ZNF177: variants seen among roughly 807,000 people sequenced by gnomAD.
The protein encoded by ZNF177 is zinc finger protein 177.
Under a neutral mutation model 19.4 loss-of-function variants are expected in ZNF177, and 17 were observed. The ratio of observed to expected loss-of-function variants is 0.87; its 90% CI spans 0.60 to 1.31. The LOEUF (loss-of-function observed/expected upper bound fraction) is 1.31. Ranked by LOEUF, ZNF177 falls within the 40% of genes most tolerant of loss-of-function variation. The pLI is 0.00. For synonymous variants in ZNF177, 220 were observed against 188.7 expected (o/e 1.17, Z -1.36); for missense variants, 633 against 561.8 (o/e 1.13, Z -1.28).
intron 2 of ZNF177, among the ~76,000 whole-genome samples, chr19:9,370,796 A>G (rs2068038342): frequency 6.6e-6 from 1 of 152,192 alleles, no homozygotes; most frequent in South Asian, 2.1e-4. Context: ...AGACACAAGC[A>G]TTCATCTTTT....
chr19:9,368,889 C>T (rs1364026999), intron 2 of ZNF177, among the ~76,000 whole-genome samples: 1 of 152,040 alleles, frequency 6.6e-6, no homozygotes, highest in Non-Finnish European at 1.5e-5. Context: ...AATGTAATCT[C>T]GTTATTAACT....
upstream of ZNF177, chr19:9,371,734 A>G (rs1456446176): frequency 6.6e-6 from 1 of 152,088 alleles, no homozygotes; most frequent in East Asian, 1.9e-4. Flanking sequence ...GGGGCTTATG[A>G]TACTTCTAGT....
intron 1 of ZNF177, among the ~76,000 whole-genome samples, chr19:9,377,922 C>T (rs929978189): frequency 6.6e-6 from 1 of 152,132 alleles, no homozygotes; most frequent in Non-Finnish European, 1.5e-5. Flanking sequence ...ATTTCTTAGT[C>T]TATACTAGAC....
chr19:9,381,416 A>G, exon 6 of ZNF177: 1 of 1,613,976 alleles, frequency 6.2e-7, no homozygotes, highest in Non-Finnish European at 8.5e-7. Flanking sequence ...GTGAGAACCC[A>G]CACTGGAGAG....
At chr19:9,381,932 T>C in exon 6 of ZNF177, 2 of 1,150,346 alleles carry the variant, frequency 1.7e-6, no homozygotes, top group Non-Finnish European at 1.2e-6. Flanking sequence ...ATGTTATAGC[T>C]ATGATTGTTT....
intron 1 of ZNF177, among the ~76,000 whole-genome samples, chr19:9,363,498 T>G (rs1035468290): frequency 6.6e-6 from 1 of 152,186 alleles, no homozygotes; most frequent in Non-Finnish European, 1.5e-5. Context: ...CTCTGTTATG[T>G]GGATGCACCC....
At chr19:9,378,035 A>C (rs1255972436) in intron 1 of ZNF177, among the ~76,000 whole-genome samples, 2 of 152,234 alleles carry the variant, frequency 1.3e-5, no homozygotes, top group Non-Finnish European at 2.9e-5. Context: ...GTTAGCAGTC[A>C]TAAGCCTTTT....
At chr19:9,370,933 A>G (rs2068039923) in intron 2 of ZNF177, among the ~76,000 whole-genome samples, 1 of 152,206 alleles carries the variant, frequency 6.6e-6, no homozygotes, top group South Asian at 2.1e-4. Flanking sequence ...TGCATCATCT[A>G]GCGCTGAGCT....
chr19:9,379,549 T>G, exon 4 of ZNF177: 1 of 1,613,914 alleles, frequency 6.2e-7, no homozygotes, highest in Non-Finnish European at 8.5e-7. Flanking sequence ...GCAGACACAG[T>G]CTGATCTCCA....
At chr19:9,372,930 A>G (rs1181628233), upstream of ZNF177, among the ~76,000 whole-genome samples, 1 of 152,186 alleles carries the variant, frequency 6.6e-6, no homozygotes, top group African/African-American at 2.4e-5. Flanking sequence ...TTTAAGGTGT[A>G]CAACATAATG....
chr19:9,373,795 A>G (rs1395200104), upstream of ZNF177, among the ~76,000 whole-genome samples: 2 of 151,908 alleles, frequency 1.3e-5, no homozygotes, highest in African/African-American at 4.8e-5. Flanking sequence ...ATTTTTTTCT[A>G]TCGAACTGTA....
intron 2 of ZNF177, among the ~76,000 whole-genome samples, chr19:9,369,982 C>G (rs1005733156): frequency 6.6e-6 from 1 of 152,046 alleles, no homozygotes; most frequent in African/African-American, 2.4e-5. Flanking sequence ...TTAATTTTAT[C>G]CATTTTACCT....
rs2122549427 is a variant in ZNF177 at position 9,378,518 on chromosome 19, T to A, written c.33+174T>A. On this transcript the variant is annotated intron_variant, in intron 2 of 5. Coordinates refer to ENST00000589262, the Ensembl canonical transcript of ZNF177. ...CCTGGGAAAGGCTTCTGTTCCCACA[T>A]TTGTTAACTTTCTCCAGATATTCTT... 3 of 1,010,486 alleles carry A rather than the reference T, an allele frequency of 3.0e-6. No homozygotes were observed. The East Asian group carries it at 8.0e-5, about 27-fold the overall frequency. 62.6% of individuals were successfully genotyped at this position (1,010,486 alleles called of 1,614,324 possible). A position where few individuals can be genotyped will look rare whatever the true frequency, so the allele number is the denominator to read the frequency against.
At chr19:9,375,591 C>G (rs1034518512), upstream of ZNF177, among the ~76,000 whole-genome samples, 3 of 152,060 alleles carry the variant, frequency 2.0e-5, no homozygotes, top group Admixed American at 1.3e-4. Context: ...TTCATTTCTT[C>G]TAGGTTATCC....
rs558785882 is a variant in ZNF177, at chr19:9,380,847, A to G, written c.516A>G (p.Gly172=). 91 of 1,536,160 alleles carry G rather than the reference A, an allele frequency of 5.9e-5. 1 individual carries two copies. In the South Asian group the frequency reaches 1.0e-3, roughly 18 times the overall value. ...GGAGTCATGTGAGCATTCACATTGG[A>G]GAGAAAACTCTTGAATTTACTGATT... The change falls in exon 6 of 6, where the codon GGA becomes GGG. Residue 172 remains glycine, a synonymous_variant. Coordinates refer to ENST00000589262, the Ensembl canonical transcript of ZNF177.
At chr19:9,370,407 T>G (rs534166643) in intron 2 of ZNF177, among the ~76,000 whole-genome samples, 13 of 150,852 alleles carry the variant, frequency 8.6e-5, no homozygotes, top group Non-Finnish European at 1.3e-4. Context: ...GTGGTTGGTT[T>G]GTTTTTTTTT....
intron 2 of ZNF177, among the ~76,000 whole-genome samples, chr19:9,366,354 C>G (rs899245698): frequency 6.6e-6 from 1 of 152,032 alleles, no homozygotes; most frequent in Admixed American, 6.6e-5. Context: ...CTCGACCTCC[C>G]TAGCTCGGCC....
intron 2 of ZNF177, chr19:9,378,733 G>A (rs2068146589): frequency 6.1e-6 from 4 of 657,392 alleles, no homozygotes; most frequent in South Asian, 6.9e-5. Context: ...CCATATTTTA[G>A]AAAAGCTGTT....
chr19:9,379,426 T>C (rs543913401), intron 3 of ZNF177, 101 bp from the exon 6 acceptor site: 3 of 1,429,706 alleles, frequency 2.1e-6, no homozygotes, highest in East Asian at 5.0e-5. Flanking sequence ...CACTTGACTA[T>C]TTTAATAATC....
Sources: gnomAD v4.1 joint callset for allele counts (sites outside exome capture counted in the v4.1 genomes callset) on GRCh38, gnomAD v4.1.1 for gene constraint, MANE v1.5 for transcripts, NCBI Gene and HGNC (gene_info 2026-07-23, HGNC 2026-07-21) for gene names.